TDP1: variants seen among roughly 807,000 people sequenced by gnomAD.
TDP1 encodes the protein tyr-DNA phosphodiesterase 1.
In TDP1, 64 loss-of-function variants were observed where a neutral mutation model predicts 81.5. The ratio of observed to expected loss-of-function variants is 0.79; its 90% confidence interval spans 0.64 to 0.97. The LOEUF is 0.97. TDP1 is among the 50% of genes least tolerant of loss of function. The probability of loss-of-function intolerance (pLI) is 0.00; values close to 1 mark genes in which losing one functional copy is unlikely to be tolerated. For missense variants in TDP1, 723 were observed against 743.8 expected, an observed-to-expected ratio of 0.97 and a Z score of 0.33; for synonymous variants, 256 against 264.3, an observed-to-expected ratio of 0.97 and a Z score of 0.30.
At chr14:89,969,777 T>A (rs1016854259) in intron 5 of TDP1, among the ~76,000 whole-genome samples, 56 of 152,192 alleles carry the variant, frequency 3.7e-4, no homozygotes, top group African/African-American at 1.3e-3. Flanking sequence ...TTCTGCAGTG[T>A]GATTGATAAA....
At chr14:90,025,857 C>T (rs35513041) in intron 15 of TDP1, among the ~76,000 whole-genome samples, 3 of 152,204 alleles carry the variant, frequency 2.0e-5, no homozygotes, top group African/African-American at 7.2e-5. Flanking sequence ...TGAGCACATA[C>T]TCTGTCAGCC....
At chr14:89,980,331 A>G (rs1894826374) in intron 7 of TDP1, 3 of 984,638 alleles carry the variant, frequency 3.0e-6, no homozygotes, top group African/African-American at 3.5e-5. Flanking sequence ...TTACCACCAA[A>G]TACTCAACCT....
rs931589591 is a variant in TDP1, at chr14:89,977,092, T to A, written c.791+1277T>A. ...ATCGCTTGAGCCTGCAAGGCGGAGG[T>A]TGTGGCGAGCCAAGATCATGCCACT... is the stretch of plus-strand genomic sequence containing the variant. On this transcript the variant is annotated intron_variant, in intron 7 of 16. Coordinates refer to ENST00000335725, the MANE Select transcript of TDP1 (RefSeq NM_018319.4). Among the ~76,000 whole-genome samples the A allele has an allele frequency of 1.1e-4, 16 of 151,588 alleles. No individual in the cohort carries two copies. In the East Asian group the frequency reaches 2.4e-3, roughly 23 times the overall value.
intron 14 of TDP1, 45 bp downstream of exon 14, chr14:89,993,528 G>A: frequency 6.2e-7 from 1 of 1,602,354 alleles, no homozygotes; most frequent in Non-Finnish European, 8.5e-7. Context: ...TTTTTAATGT[G>A]TTCATAATTC....
At chr14:89,994,616 T>C (rs1896507464) in intron 14 of TDP1, among the ~76,000 whole-genome samples, 1 of 152,216 alleles carries the variant, frequency 6.6e-6, no homozygotes, top group South Asian at 2.1e-4. Context: ...TGCTTGACTG[T>C]GGGAACACAA....
chr14:90,035,315 T>TC lies in TDP1; in HGVS notation c.1753+2103dup, dbSNP rs1473984937. Among the ~76,000 whole-genome samples the TC allele has an allele frequency of 2.0e-5, 3 of 152,364 alleles. No homozygotes were observed. The East Asian group carries it at 5.8e-4, about 29-fold the overall frequency. ...TAAGTTTCAGGAGGCATTCTTTTTC[T>TC]CCTTTCTAAAGTGTGGAAATCCCCT... On this transcript the variant is annotated intron_variant, in intron 16 of 16. Transcript: ENST00000335725.
chr14:90,020,760 T>C (rs923077432), intron 15 of TDP1, among the ~76,000 whole-genome samples: 10 of 143,394 alleles, frequency 7.0e-5, no homozygotes, highest in Non-Finnish European at 1.4e-4. Flanking sequence ...GAGGGGTTGG[T>C]GTGTGCTTGT....
rs945837339 is a variant in TDP1 at position 89,963,619 on chromosome 14, A to G, written c.505A>G (p.Thr169Ala). The stretch of plus-strand genomic sequence containing the variant: ...AGGGAACCCCTTCCAGTTTTACCTC[A>G]CTAGAGTCTCTGGAGTTAAGCCAAA... ...DKGNPFQFYL[T>A]RVSGVKPKYN... is the part of the protein sequence containing the mutation. Residue 169 changes from threonine to alanine, a missense_variant, in exon 3 of 17, where the codon ACT becomes GCT. By Grantham distance (58) the Thr-to-Ala change is moderately conservative. Coordinates refer to ENST00000335725, the MANE Select transcript of TDP1 (RefSeq NM_018319.4). The G allele has an allele frequency of 9.9e-6, 16 of 1,614,128 alleles. No individual in the cohort carries two copies. Among genetic ancestry groups the G allele is most frequent in the Non-Finnish European group, 1.4e-5 (16 of 1,180,000 alleles).
intron 15 of TDP1, among the ~76,000 whole-genome samples, chr14:90,029,498 C>CTT (rs551041373): frequency 0.046 from 5,613 of 122,730 alleles, 306 homozygotes; most frequent in African/African-American, 0.11. Context: ...CGCACCCGGC[C>CTT]TTTTTTTTTT....
chr14:89,964,630 G>A (rs1892718619), intron 3 of TDP1, among the ~76,000 whole-genome samples: 1 of 152,120 alleles, frequency 6.6e-6, no homozygotes, highest in Non-Finnish European at 1.5e-5. Flanking sequence ...ATACATGTTG[G>A]AGTATTTCAT....
At chr14:89,958,286 T>G (rs1891903628) in intron 2 of TDP1, 1 of 152,196 alleles carries the variant, frequency 6.6e-6, no homozygotes, top group African/African-American at 2.4e-5. Flanking sequence ...CGGAACGGAG[T>G]GCTACAGGGT....
intron 14 of TDP1, among the ~76,000 whole-genome samples, chr14:90,016,179 G>C (rs1026903964): frequency 6.6e-6 from 1 of 151,810 alleles, no homozygotes; most frequent in African/African-American, 2.4e-5. Context: ...TGAGTAGTTG[G>C]GATTACAGGT....
At chr14:89,966,314 C>T (rs1892943948) in intron 4 of TDP1, 124 bp downstream of exon 4, 1 of 740,590 alleles carries the variant, frequency 1.4e-6, no homozygotes, top group Non-Finnish European at 2.4e-6. Context: ...TGAGATGGCA[C>T]ATACCTGGAG....
At chr14:90,001,934 T>C (rs1897225124) in intron 14 of TDP1, among the ~76,000 whole-genome samples, 1 of 152,202 alleles carries the variant, frequency 6.6e-6, no homozygotes, top group South Asian at 2.1e-4. Flanking sequence ...TTTGCTTCCC[T>C]GTGTCATGAG....
At chr14:89,992,416 TC>T (rs1361112502) in intron 13 of TDP1, among the ~76,000 whole-genome samples, 5 of 152,168 alleles carry the variant, frequency 3.3e-5, no homozygotes, top group Admixed American at 6.5e-5. Context: ...TTGTCAGAGT[TC>T]AGTAAATGCT....
chr14:90,023,600 A>G (rs927969601), intron 15 of TDP1, among the ~76,000 whole-genome samples: 1 of 152,250 alleles, frequency 6.6e-6, no homozygotes, highest in Non-Finnish European at 1.5e-5. Context: ...TATTATCAAA[A>G]TCATCATCTT....
chr14:89,998,542 A>G (rs1896924140), intron 14 of TDP1, among the ~76,000 whole-genome samples: 1 of 151,134 alleles, frequency 6.6e-6, no homozygotes, highest in Non-Finnish European at 1.5e-5. Context: ...GAACTGAAGC[A>G]CAGAGGTTAA....
intron 14 of TDP1, among the ~76,000 whole-genome samples, chr14:90,004,006 G>C (rs897307474): frequency 9.2e-5 from 14 of 152,130 alleles, no homozygotes; most frequent in Non-Finnish European, 1.0e-4. Context: ...AGACTTGCTT[G>C]CCTGGCCCTG....
chr14:89,993,651 T>C (rs1485687419), intron 14 of TDP1, among the ~76,000 whole-genome samples, 168 bp downstream of exon 14: 1 of 152,222 alleles, frequency 6.6e-6, no homozygotes, highest in Admixed American at 6.5e-5. Flanking sequence ...CTAATCCCTT[T>C]GTAAAGTATA....
Sources: allele counts gnomAD v4.1 joint callset (sites outside exome capture counted in the v4.1 genomes callset), GRCh38; gene constraint gnomAD v4.1.1; transcripts MANE v1.5; gene names NCBI Gene and HGNC (gene_info 2026-07-23, HGNC 2026-07-21).